The following RAB37 variants were observed in gnomAD, a reference collection of about 807,000 sequenced individuals.
RAB37 encodes the protein ras-related protein Rab-37.
In RAB37, 29 loss-of-function variants were observed where a neutral mutation model predicts 33.1. The ratio of observed to expected loss-of-function variants is 0.88; its 90% CI spans 0.65 to 1.20. The LOEUF (loss-of-function observed/expected upper bound fraction) is 1.20. RAB37 is among the 50% of genes most tolerant of loss of function. The pLI is 0.00. For missense variants in RAB37, 299 were observed against 301.1 expected, an observed-to-expected ratio of 0.99 and a Z score of 0.05; for synonymous variants, 128 against 119.5, an observed-to-expected ratio of 1.07 and a Z score of -0.47.
chr17:74,722,097 C>G (rs540282050), intron 1 of RAB37, among the ~76,000 whole-genome samples: 1 of 152,010 alleles, frequency 6.6e-6, no homozygotes, highest in African/African-American at 2.4e-5. Flanking sequence ...AGATCGAGAC[C>G]ACAGTGAAAC....
intron 1 of RAB37, among the ~76,000 whole-genome samples, chr17:74,717,546 T>C (rs913722462): frequency 7.9e-5 from 12 of 152,096 alleles, no homozygotes; most frequent in Non-Finnish European, 1.6e-4. Context: ...CGGTGGCTCA[T>C]GCCTGTAACC....
intron 1 of RAB37, among the ~76,000 whole-genome samples, chr17:74,721,148 G>C (rs780481192): frequency 6.6e-5 from 10 of 152,158 alleles, no homozygotes; most frequent in Non-Finnish European, 1.5e-4. Flanking sequence ...GGTGGTTTTG[G>C]AAAAGGCAAC....
intron 1 of RAB37, among the ~76,000 whole-genome samples, chr17:74,721,971 A>G (rs1442079008): frequency 6.6e-6 from 1 of 152,172 alleles, no homozygotes; most frequent in Non-Finnish European, 1.5e-5. Context: ...CCAGAGAAAC[A>G]GAAACGGTAA....
rs1334887212 is a variant in RAB37, at chr17:74,676,165, CAG to C, written c.72+4512_72+4513del. On this transcript the variant is annotated intron_variant, in intron 1 of 7. Transcript: ENST00000340415. This position sits in a 1 kb window ranked among gnomAD's most constrained non-coding sequence, Gnocchi z 4.1. ...TGAAAAGATTTTCATTTCATTTTCA[CAG>C]AGAGGGCAAGCTTTTGCCCCAGATA... Among the ~76,000 whole-genome samples, 9 of 152,136 alleles carry C rather than the reference CAG, an allele frequency of 5.9e-5. No homozygotes were observed. Among genetic ancestry groups the C allele is most frequent in the Admixed American group, 3.9e-4 (6 of 15,282 alleles).
chr17:74,735,956 A>G (rs911455754), upstream of RAB37, among the ~76,000 whole-genome samples: 1 of 152,238 alleles, frequency 6.6e-6, no homozygotes, highest in Non-Finnish European at 1.5e-5. Context: ...CTGTAATCCC[A>G]GCACTTTGGG....
chr17:74,685,235 A>C (rs1009313887), intron 1 of RAB37, among the ~76,000 whole-genome samples: 6 of 152,144 alleles, frequency 3.9e-5, no homozygotes, highest in African/African-American at 1.2e-4. Flanking sequence ...CCCAGGCTAG[A>C]GTGCAGTGGC....
chr17:74,673,995 T>C (rs1349601011), intron 1 of RAB37, among the ~76,000 whole-genome samples: 2 of 152,226 alleles, frequency 1.3e-5, no homozygotes, highest in African/African-American at 2.4e-5. Context: ...AATTACTATG[T>C]AGTAGAGTCC....
rs570005005 is a variant in RAB37, at chr17:74,724,678, G to A, written c.73-4578G>A. On this transcript the variant is annotated intron_variant, in intron 1 of 7. Coordinates refer to the RAB37 transcript ENST00000340415. ...AGTGGAGTTAGGAGCAATGTTTTGC[G>A]GGCAGGGATGGATCTCACAAAGTAC... Among the ~76,000 whole-genome samples the A allele has an allele frequency of 4.6e-5, 7 of 152,292 alleles. 1 individual carries two copies. In the East Asian group the frequency reaches 5.8e-4, roughly 13 times the overall value.
rs2031842209 is a variant in RAB37 at position 74,676,757 on chromosome 17, T to A, written c.72+5099T>A. On this transcript the variant is annotated intron_variant, in intron 1 of 7. Coordinates refer to the RAB37 transcript ENST00000340415. The surrounding 1 kb of genome is among the most constrained non-coding windows in gnomAD (Gnocchi z 4.1). ...ATACTTTTATATAATTCCAGAAGTG[T>A]CCTAAGAAAGATACGGGTAGCTGCA... Among the ~76,000 whole-genome samples the A allele has an allele frequency of 6.6e-6, 1 of 152,038 alleles. No individual in the cohort carries two copies. The highest frequency in any genetic ancestry group is 1.5e-5 in the Non-Finnish European group (1 of 68,020).
chr17:74,744,773 G>T lies in RAB37; in HGVS notation c.433-100G>T. ...ATCACACCTGCCTGCAGTCCCTTGG[G>T]CCACCAGCAGAGGGCAGGCAACGCC... On this transcript the variant is annotated intron_variant, in intron 6 of 8. Coordinates refer to ENST00000392613, the MANE Select transcript of RAB37 (RefSeq NM_001006638.3). This position sits in a 1 kb window ranked among gnomAD's most constrained non-coding sequence, Gnocchi z 4.2. 7.1e-7 allele frequency: 1 copy of T among 1,410,550 alleles called. No individual in the cohort carries two copies. The highest frequency in any genetic ancestry group is 1.2e-5 in the South Asian group (1 of 86,478). 87.4% of individuals were successfully genotyped at this position (1,410,550 alleles called of 1,614,324 possible). A position where few individuals can be genotyped will look rare whatever the true frequency, so the allele number is the denominator to read the frequency against.
At chr17:74,699,714 C>T (rs1395659980) in intron 1 of RAB37, among the ~76,000 whole-genome samples, 1 of 152,104 alleles carries the variant, frequency 6.6e-6, no homozygotes, top group African/African-American at 2.4e-5. Flanking sequence ...TGTGAGAGAA[C>T]GTATTTCTTT....
At chr17:74,696,907 TGGTTTG>T in intron 1 of RAB37, among the ~76,000 whole-genome samples, 1 of 70,786 alleles carries the variant, frequency 1.4e-5, no homozygotes, top group Admixed American at 1.8e-4. Flanking sequence ...CGATTTTGTT[TGGTTTG>T]GTTTGGTTTG....
At chr17:74,726,122 C>T (rs958543181) in intron 1 of RAB37, among the ~76,000 whole-genome samples, 9 of 151,452 alleles carry the variant, frequency 5.9e-5, no homozygotes, top group South Asian at 2.1e-4. Flanking sequence ...GTAGTCCCAG[C>T]TACTTGGGAG....
At chr17:74,740,717 C>A in intron 1 of RAB37, 51 bp from the exon 2 acceptor site, 1 of 1,275,058 alleles carries the variant, frequency 7.8e-7, no homozygotes, top group Non-Finnish European at 1.1e-6. Context: ...TCCTGGAATC[C>A]CAGAAGCTGC....
chr17:74,735,622 T>A (rs2034463371), upstream of RAB37, among the ~76,000 whole-genome samples: 1 of 152,206 alleles, frequency 6.6e-6, no homozygotes, highest in Non-Finnish European at 1.5e-5. Flanking sequence ...CACGCCTCTG[T>A]AGTGTGCTGC....
chr17:74,702,099 T>C (rs2143716051), intron 1 of RAB37, among the ~76,000 whole-genome samples: 1 of 148,428 alleles, frequency 6.7e-6, no homozygotes. Flanking sequence ...AGTAGAAGGG[T>C]CTCAGGTGGT....
intron 1 of RAB37, among the ~76,000 whole-genome samples, chr17:74,708,730 C>T (rs2033717566): frequency 6.6e-6 from 1 of 152,224 alleles, no homozygotes; most frequent in South Asian, 2.1e-4. Context: ...TCCTGGCTAA[C>T]ACGGTGAAAC....
At chr17:74,741,202 T>A (rs1347918797) in intron 2 of RAB37, among the ~76,000 whole-genome samples, 1 of 152,162 alleles carries the variant, frequency 6.6e-6, no homozygotes, top group Non-Finnish European at 1.5e-5. Flanking sequence ...CCCCTGCTCA[T>A]TGCTCTCCTA....
intron 1 of RAB37, among the ~76,000 whole-genome samples, chr17:74,710,406 G>A (rs1005523623): frequency 7.2e-5 from 11 of 152,280 alleles, no homozygotes; most frequent in African/African-American, 2.6e-4. Context: ...ATTTAATAGA[G>A]TGGCTAAATA....
Sources: gnomAD v4.1 joint callset for allele counts (sites outside exome capture counted in the v4.1 genomes callset) on GRCh38, gnomAD v4.1.1 for gene constraint, Gnocchi (gnomAD v3.1) non-coding constraint, MANE v1.5 for transcripts, NCBI Gene and HGNC (gene_info 2026-07-23, HGNC 2026-07-21) for gene names.